Variants in RHOJ observed in about 807,000 individuals in gnomAD.
RHOJ encodes the protein rho-related GTP-binding protein RhoJ.
RHOJ carries 11 observed loss-of-function variants against 23.4 expected under a neutral mutation model. The ratio of observed to expected loss-of-function variants is 0.47; its 90% CI spans 0.30 to 0.78. The LOEUF (loss-of-function observed/expected upper bound fraction) is 0.78. RHOJ is among the 30% of genes least tolerant of loss of function. RHOJ has a pLI of 0.08. For synonymous variants in RHOJ, 102 were observed against 102.7 expected, an observed-to-expected ratio of 0.99 and a Z score of 0.04; for missense variants, 254 against 273.4, an observed-to-expected ratio of 0.93 and a Z score of 0.50.
At chr14:63,240,134 T>C (rs746359325) in intron 1 of RHOJ, among the ~76,000 whole-genome samples, 3 of 152,154 alleles carry the variant, frequency 2.0e-5, no homozygotes, top group Non-Finnish European at 4.4e-5. Flanking sequence ...CCTTAAAAGG[T>C]TGGATTTGTT....
chr14:63,275,788 C>G (rs1038086114), intron 2 of RHOJ, among the ~76,000 whole-genome samples: 2 of 152,188 alleles, frequency 1.3e-5, no homozygotes, highest in African/African-American at 4.8e-5. Context: ...ACCACTTATC[C>G]ACTTCTCGTA....
intron 1 of RHOJ, among the ~76,000 whole-genome samples, chr14:63,246,683 T>C (rs1894981200): frequency 6.6e-6 from 1 of 152,214 alleles, no homozygotes; most frequent in African/African-American, 2.4e-5. Context: ...ACCACTAGGA[T>C]TGAAAATAAA....
At chr14:63,266,337 G>C (rs1895366414) in intron 1 of RHOJ, among the ~76,000 whole-genome samples, 1 of 152,164 alleles carries the variant, frequency 6.6e-6, no homozygotes, top group South Asian at 2.1e-4. Flanking sequence ...AGGGAGGAGA[G>C]TATGATGAGG....
At chr14:63,245,999 C>T (rs1894969903) in intron 1 of RHOJ, among the ~76,000 whole-genome samples, 1 of 152,114 alleles carries the variant, frequency 6.6e-6, no homozygotes, top group African/African-American at 2.4e-5. Flanking sequence ...AAGGAGACTC[C>T]ATAGTGCAAG....
At chr14:63,219,280 C>T (rs1237783891) in intron 1 of RHOJ, among the ~76,000 whole-genome samples, 1 of 152,002 alleles carries the variant, frequency 6.6e-6, no homozygotes, top group Non-Finnish European at 1.5e-5. Flanking sequence ...ACAGAAGGAT[C>T]CATTTGTTCA....
At chr14:63,236,766 C>T (rs1362731514) in intron 1 of RHOJ, among the ~76,000 whole-genome samples, 2 of 151,830 alleles carry the variant, frequency 1.3e-5, no homozygotes, top group Non-Finnish European at 2.9e-5. Context: ...CACACACACA[C>T]ACACACACAC....
chr14:63,222,946 C>T (rs1249501363), intron 1 of RHOJ, among the ~76,000 whole-genome samples: 1 of 152,206 alleles, frequency 6.6e-6, no homozygotes, highest in Non-Finnish European at 1.5e-5. Context: ...TTGCCCTCCT[C>T]ACCTCTGTGT....
In RHOJ at chr14:63,291,202, C is replaced by T. The variant is rs752075511; in HGVS notation, c.*178C>T. ...CACACTAGTCAGCCCACTGCCACGA[C>T]CTCCCTGCCAGCCAGAAGCATCCGT... is the stretch of plus-strand genomic sequence containing the variant. On this transcript the variant is annotated 3_prime_UTR_variant, in exon 5 of 5. Transcript: ENST00000316754. 4 of 701,282 alleles carry T rather than the reference C, an allele frequency of 5.7e-6. No individual in the cohort carries two copies. The Admixed American group carries it at 8.4e-5, about 15-fold the overall frequency. The allele number at this position is 701,282 out of a possible 1,614,324, so 43.4% of individuals were successfully genotyped here.
At chr14:63,275,343 T>G (rs189605714) in intron 2 of RHOJ, among the ~76,000 whole-genome samples, 3 of 152,232 alleles carry the variant, frequency 2.0e-5, no homozygotes, top group Admixed American at 1.3e-4. Flanking sequence ...AAAATTACAT[T>G]TTTAACAAGG....
chr14:63,291,343 G>T lies in RHOJ; in HGVS notation c.*319G>T. On this transcript the variant is annotated 3_prime_UTR_variant, in exon 5 of 5. Coordinates refer to ENST00000316754, the MANE Select transcript of RHOJ (RefSeq NM_020663.5). ...TTACAAATCCCCAGCTCATGAACGT[G>T]AAGCTGATAGGAAATCACCCCAGGG... 1 of 364,364 alleles carries T rather than the reference G, an allele frequency of 2.7e-6. No individual in the cohort carries two copies. The highest frequency in any genetic ancestry group is 5.2e-6 in the Non-Finnish European group (1 of 191,954). The allele number at this position is 364,364 out of a possible 1,614,324, so 22.6% of individuals were successfully genotyped here. A position where few individuals can be genotyped will look rare whatever the true frequency, so the allele number is the denominator to read the frequency against.
chr14:63,264,398 C>T (rs1334990811), intron 1 of RHOJ, among the ~76,000 whole-genome samples: 1 of 151,918 alleles, frequency 6.6e-6, no homozygotes, highest in Non-Finnish European at 1.5e-5. Flanking sequence ...ATGCACAAGG[C>T]TTTCTTTATC....
At chr14:63,274,186 G>T (rs1303361691) in intron 2 of RHOJ, among the ~76,000 whole-genome samples, 2 of 152,180 alleles carry the variant, frequency 1.3e-5, no homozygotes, top group Non-Finnish European at 2.9e-5. Flanking sequence ...TTTGCTATTG[G>T]CTGATCCAAT....
chr14:63,277,966 AACACACAC>A (rs34023824), intron 2 of RHOJ, among the ~76,000 whole-genome samples: 53 of 141,510 alleles, frequency 3.7e-4, no homozygotes, highest in South Asian at 1.6e-3. Context: ...CAGCTACACA[AACACACAC>A]ACACACACAC....
intron 2 of RHOJ, among the ~76,000 whole-genome samples, chr14:63,277,632 T>C (rs1231756318): frequency 6.6e-6 from 1 of 152,162 alleles, no homozygotes; most frequent in Admixed American, 6.5e-5. Context: ...AGTCTGTCAA[T>C]AGCATTTATT....
At chr14:63,270,579 A>C (rs538365053) in intron 2 of RHOJ, among the ~76,000 whole-genome samples, 1 of 152,300 alleles carries the variant, frequency 6.6e-6, no homozygotes, top group African/African-American at 2.4e-5. Context: ...TCATACCCCA[A>C]ACAGAAAGCA....
intron 1 of RHOJ, among the ~76,000 whole-genome samples, chr14:63,255,219 T>C (rs1237059221): frequency 6.6e-6 from 1 of 152,074 alleles, no homozygotes; most frequent in African/African-American, 2.4e-5. Context: ...TCCCTGCAGC[T>C]CTCTGCAGGA....
At chr14:63,286,769 C>T (rs986022016) in intron 4 of RHOJ, among the ~76,000 whole-genome samples, 3 of 152,208 alleles carry the variant, frequency 2.0e-5, no homozygotes, top group Admixed American at 2.0e-4. Flanking sequence ...TTATCCTATA[C>T]TCAAGTAACA....
rs373949407 is a variant in RHOJ at position 63,265,286 on chromosome 14, CTCTA to C, written c.179-3820_179-3817del. Among the ~76,000 whole-genome samples, 255 of 152,226 alleles carry C rather than the reference CTCTA, an allele frequency of 1.7e-3. 5 individuals carry two copies. Among genetic ancestry groups the C allele is most frequent in the African/African-American group, 5.7e-3 (236 of 41,542 alleles). On this transcript the variant is annotated intron_variant, in intron 1 of 4. Transcript: ENST00000316754. The stretch of plus-strand genomic sequence containing the variant: ...CCATTTATTGAGTAGAGTGTCTTTT[CTCTA>C]TCTCTTATTTTTGTAAACTTTATCA...
chr14:63,261,702 A>T (rs1448007416), intron 1 of RHOJ, among the ~76,000 whole-genome samples: 1 of 151,918 alleles, frequency 6.6e-6, no homozygotes, highest in African/African-American at 2.4e-5. Flanking sequence ...CAGCCTCCCA[A>T]AGTGCTGCAA....
Sources: allele counts gnomAD v4.1 joint callset (sites outside exome capture counted in the v4.1 genomes callset), GRCh38; gene constraint gnomAD v4.1.1; transcripts MANE v1.5; gene names NCBI Gene and HGNC (gene_info 2026-07-23, HGNC 2026-07-21).